The following SLC7A14 variants were observed in gnomAD, a reference collection of about 807,000 sequenced individuals.
SLC7A14 encodes gamma-aminobutyric acid transporter SLC7A14.
SLC7A14 carries 37 observed loss-of-function variants against 60.2 expected under a neutral mutation model. That is an observed-to-expected ratio of 0.61 (90% CI 0.47 to 0.81). The LOEUF is 0.81. Ranked by LOEUF, SLC7A14 falls within the 30% of genes least tolerant of loss-of-function variation. The pLI, the probability that SLC7A14 is intolerant of heterozygous loss-of-function variation, is 0.00. For synonymous variants in SLC7A14, 399 were observed against 395.8 expected (o/e 1.01, Z -0.10); for missense variants, 886 against 982.7 (o/e 0.90, Z 1.32).
chr3:170,571,323 G>A (rs1465982419), intron 1 of SLC7A14, among the ~76,000 whole-genome samples: 1 of 152,198 alleles, frequency 6.6e-6, no homozygotes, highest in Admixed American at 6.5e-5. Context: ...GTCTAGAGAT[G>A]TAGTGTGTAT....
chr3:170,579,749 G>A (rs1215242570), intron 1 of SLC7A14, among the ~76,000 whole-genome samples: 1 of 152,196 alleles, frequency 6.6e-6, no homozygotes, highest in East Asian at 1.9e-4. Flanking sequence ...AGGAACAATA[G>A]CAATTGCCTG....
chr3:170,562,780 A>T (rs1234327758), intron 1 of SLC7A14, among the ~76,000 whole-genome samples: 1 of 152,066 alleles, frequency 6.6e-6, no homozygotes, highest in African/African-American at 2.4e-5. Context: ...TTTTTGAGAC[A>T]GAGCCTTGCT....
At chr3:170,515,384 A>G (rs1170690392) in intron 2 of SLC7A14, among the ~76,000 whole-genome samples, 1 of 151,886 alleles carries the variant, frequency 6.6e-6, no homozygotes, top group East Asian at 1.9e-4. Flanking sequence ...AATGTATAAA[A>G]GGGCGAGGCT....
At chr3:170,551,322 T>G (rs561188756) in intron 1 of SLC7A14, among the ~76,000 whole-genome samples, 2 of 152,204 alleles carry the variant, frequency 1.3e-5, no homozygotes, top group South Asian at 4.1e-4. Flanking sequence ...ATTTGGATTG[T>G]TTCCACTTTT....
chr3:170,499,105 C>A (rs749855763), intron 3 of SLC7A14, among the ~76,000 whole-genome samples: 1 of 151,450 alleles, frequency 6.6e-6, no homozygotes, highest in African/African-American at 2.4e-5. Flanking sequence ...GGTGTGGTGG[C>A]GGGCGCCTGT....
At chr3:170,491,814 C>T (rs1424380439) in intron 4 of SLC7A14, among the ~76,000 whole-genome samples, 1 of 152,006 alleles carries the variant, frequency 6.6e-6, no homozygotes, top group Non-Finnish European at 1.5e-5. Flanking sequence ...AGGAAGCAAC[C>T]TGGAGCAGAG....
intron 1 of SLC7A14, among the ~76,000 whole-genome samples, chr3:170,572,734 A>G (rs1276822954): frequency 1.3e-5 from 2 of 152,292 alleles, no homozygotes; most frequent in East Asian, 3.9e-4. Flanking sequence ...TCTGTTGTCT[A>G]TATTAGGAAT....
chr3:170,561,483 T>G (rs761141072), intron 1 of SLC7A14, among the ~76,000 whole-genome samples: 50 of 152,208 alleles, frequency 3.3e-4, no homozygotes, highest in Non-Finnish European at 6.0e-4. Context: ...GTGGACAAAT[T>G]GTGTGTCTTT....
chr3:170,480,618 T>C lies in SLC7A14; in HGVS notation c.1664A>G (p.Asp555Gly), dbSNP rs184985006. ...RIRLGLPGKM[D>G]RPTAATGHTV... Reference sequence around the variant, plus strand: ...GTGCCCCGTCGCTGCTGTGGGCCGGTCCATTTTGCCTGGAAGGCCCAGCCG... The same window carrying C: ...GTGCCCCGTCGCTGCTGTGGGCCGGCCCATTTTGCCTGGAAGGCCCAGCCG... Residue 555 changes from aspartate (D) to glycine (G), a missense_variant, in exon 7 of 8, where the codon GAC becomes GGC. Asp to Gly is a moderately conservative substitution (Grantham distance 94, BLOSUM62 -1). Coordinates refer to ENST00000231706, the MANE Select transcript of SLC7A14 (RefSeq NM_020949.3). 1.9e-6 allele frequency: 3 copies of C among 1,614,218 alleles called. No homozygotes were observed. Among genetic ancestry groups the C allele is most frequent in the East Asian group, 4.5e-5 (2 of 44,882 alleles).
At chr3:170,566,822 A>G (rs80192869) in intron 1 of SLC7A14, among the ~76,000 whole-genome samples, 4,705 of 151,688 alleles carry the variant, frequency 0.031, 243 homozygotes, top group African/African-American at 0.11. Flanking sequence ...AAAAAAAAAA[A>G]AGAGAAAAAG....
chr3:170,515,321 A>T (rs200928823), intron 2 of SLC7A14, among the ~76,000 whole-genome samples: 3 of 65,184 alleles, frequency 4.6e-5, no homozygotes, highest in African/African-American at 1.3e-4. Context: ...CGCCCCCCCC[A>T]AAAAAAAAAT....
intron 1 of SLC7A14, among the ~76,000 whole-genome samples, chr3:170,548,319 C>A (rs1714238269): frequency 6.6e-6 from 1 of 151,992 alleles, no homozygotes; most frequent in Admixed American, 6.6e-5. Flanking sequence ...AAAAAAAAAT[C>A]ACTGGAAGTG....
Position 170,526,976 on chromosome 3 carries a change from AGG to A in SLC7A14, c.-42_-41del. 1 of 1,576,676 alleles carries A rather than the reference AGG, an allele frequency of 6.3e-7. No individual in the cohort carries two copies. Among genetic ancestry groups the A allele is most frequent in the Non-Finnish European group, 8.6e-7 (1 of 1,161,606 alleles). On this transcript the variant is annotated 5_prime_UTR_variant, in exon 2 of 8. Coordinates refer to ENST00000231706, the MANE Select transcript of SLC7A14 (RefSeq NM_020949.3). ...GATGCAGTGAAGGTCAGCTGATGGA[AGG>A]GGGCTACAAAGCCTTAGTGGATGGT...
At chr3:170,543,610 T>C (rs2108301216) in intron 1 of SLC7A14, among the ~76,000 whole-genome samples, 1 of 151,366 alleles carries the variant, frequency 6.6e-6, no homozygotes, top group Admixed American at 6.6e-5. Context: ...CCCATTGCAC[T>C]CCAGCCTGGG....
intron 1 of SLC7A14, among the ~76,000 whole-genome samples, chr3:170,531,944 T>G (rs1713690814): frequency 6.6e-6 from 1 of 152,128 alleles, no homozygotes; most frequent in Admixed American, 6.6e-5. Context: ...TAATTACAGT[T>G]GAGTAGTTCA....
At chr3:170,580,532 A>G (rs1024975102) in intron 1 of SLC7A14, among the ~76,000 whole-genome samples, 2 of 152,250 alleles carry the variant, frequency 1.3e-5, no homozygotes, top group African/African-American at 4.8e-5. Context: ...CTTCAGTAAT[A>G]TAGTCCCATA....
chr3:170,484,753 C>G (rs999120160), intron 5 of SLC7A14, among the ~76,000 whole-genome samples: 1 of 152,146 alleles, frequency 6.6e-6, no homozygotes, highest in Non-Finnish European at 1.5e-5. Context: ...CAAGACCAAA[C>G]AGCTCCTAGG....
chr3:170,499,737 C>A (rs549163670), intron 3 of SLC7A14, among the ~76,000 whole-genome samples: 1 of 152,170 alleles, frequency 6.6e-6, no homozygotes, highest in African/African-American at 2.4e-5. Context: ...TTTTGCCCAA[C>A]GGCCAGTGGA....
chr3:170,491,641 G>A (rs1011958831), intron 4 of SLC7A14, among the ~76,000 whole-genome samples: 8 of 152,080 alleles, frequency 5.3e-5, no homozygotes, highest in South Asian at 2.1e-4. Context: ...CCTGGAGTCC[G>A]GTGGGAGCTG....
Sources: gnomAD v4.1 joint callset for allele counts (sites outside exome capture counted in the v4.1 genomes callset) on GRCh38, gnomAD v4.1.1 for gene constraint, MANE v1.5 for transcripts, NCBI Gene and HGNC (gene_info 2026-07-23, HGNC 2026-07-21) for gene names.